Variants in MICAL3 observed in about 807,000 individuals in gnomAD.
MICAL3 encodes the protein microtubule associated monooxygenase, calponin and LIM domain containing 3, also known as [F-actin]-monooxygenase MICAL3.
MICAL3 carries 62 observed loss-of-function variants against 207.4 expected under a neutral mutation model. The observed-to-expected ratio is 0.30, with a 90% CI of 0.24 to 0.37. The LOEUF (loss-of-function observed/expected upper bound fraction) is 0.37, where lower values mean the gene tolerates loss of function less well. Among genes scored for constraint, MICAL3 ranks in the 10% least tolerant of loss-of-function variants. The pLI, the probability that MICAL3 is intolerant of heterozygous loss-of-function variation, is 1.00. For synonymous variants in MICAL3, 1,077 were observed against 1,069.3 expected, an observed-to-expected ratio of 1.01 and a Z score of -0.14; for missense variants, 2,368 against 2,635.6, an observed-to-expected ratio of 0.90 and a Z score of 2.22.
chr22:17,906,525 G>A (rs545244486), intron 2 of MICAL3, 24 bp downstream of exon 2: 21 of 1,612,532 alleles, frequency 1.3e-5, no homozygotes, highest in Non-Finnish European at 1.7e-5. Flanking sequence ...AGTGACCCCA[G>A]GGCCCAACAG....
At chr22:17,886,128 C>T in intron 15 of MICAL3, 77 bp from the exon 16 acceptor site, 1 of 1,507,620 alleles carries the variant, frequency 6.6e-7, no homozygotes, top group East Asian at 2.3e-5. Flanking sequence ...CAGAAGTGCA[C>T]TCAGGACCTG....
At chr22:17,798,822 C>T (rs567041228) in intron 29 of MICAL3, among the ~76,000 whole-genome samples, 107 of 151,778 alleles carry the variant, frequency 7.0e-4, no homozygotes, top group Non-Finnish European at 1.0e-3. Flanking sequence ...TACAGGCGCC[C>T]GCCACCACAC....
chr22:17,960,047 C>G (rs1934826680), intron 1 of MICAL3, among the ~76,000 whole-genome samples: 1 of 152,214 alleles, frequency 6.6e-6, no homozygotes, highest in Non-Finnish European at 1.5e-5. Flanking sequence ...AGGCTTCTCT[C>G]TCAGCCTCAT....
At chr22:17,963,572 GGAGAGGAGGGCAGTGAGCATCTCT>G (rs1935014096) in intron 1 of MICAL3, among the ~76,000 whole-genome samples, 2 of 152,122 alleles carry the variant, frequency 1.3e-5, no homozygotes, top group South Asian at 4.1e-4. Context: ...GCAACCCCAA[GGAGAGGAGGGCAGTGAGCATCTCT>G]GACACCCCTT....
chr22:17,810,622 G>T, intron 28 of MICAL3, 81 bp downstream of exon 28: 2 of 1,135,092 alleles, frequency 1.8e-6, no homozygotes, highest in African/African-American at 1.5e-5. Context: ...TGCTTGTGTG[G>T]CAGGGAGCAG....
At chr22:17,987,468 G>T (rs1300586616) in intron 1 of MICAL3, among the ~76,000 whole-genome samples, 3 of 152,208 alleles carry the variant, frequency 2.0e-5, no homozygotes, top group Non-Finnish European at 4.4e-5. Flanking sequence ...GTGAGCCCTA[G>T]GCCTGCTCTC....
chr22:17,919,146 G>C (rs138303389), intron 1 of MICAL3, among the ~76,000 whole-genome samples: 2 of 148,724 alleles, frequency 1.3e-5, no homozygotes, highest in East Asian at 3.9e-4. Flanking sequence ...TCATAGCTCA[G>C]TGCAGCTTCC....
intron 21 of MICAL3, 106 bp from the exon 22 acceptor site, chr22:17,827,887 G>A: frequency 8.3e-7 from 1 of 1,206,410 alleles, no homozygotes; most frequent in Non-Finnish European, 1.1e-6. Flanking sequence ...GCCAGGGTCA[G>A]TATGAATCAG....
At chr22:17,868,918 G>A (rs142248711) in intron 17 of MICAL3, among the ~76,000 whole-genome samples, 2 of 152,012 alleles carry the variant, frequency 1.3e-5, no homozygotes, top group African/African-American at 4.8e-5. Flanking sequence ...GAGACAGTGC[G>A]AGCCCTGCAT....
chr22:17,819,942 C>CCA (rs1921372272), intron 25 of MICAL3, among the ~76,000 whole-genome samples: 1 of 67,650 alleles, frequency 1.5e-5, no homozygotes, highest in South Asian at 7.0e-4. Context: ...GACTCCATCT[C>CCA]AAAAAAAAAA....
Position 18,024,263 on chromosome 22 carries a change from G to A in MICAL3, c.-75+18C>T, listed in dbSNP as rs1270173783. The A allele has an allele frequency of 6.6e-6, 1 of 152,264 alleles. No individual in the cohort carries two copies. The highest frequency in any genetic ancestry group is 1.5e-5 in the Non-Finnish European group (1 of 68,056). 9.4% of individuals were successfully genotyped at this position (152,264 alleles called of 1,614,324 possible). On this transcript the variant is annotated intron_variant, in intron 1 of 31. Transcript: ENST00000441493. ...CATTTAGATTCGCTCGCCCACAGGG[G>A]GACTGGAGGGTACTCACCGACTAGG...
At chr22:18,009,981 A>G (rs1381814366) in intron 1 of MICAL3, among the ~76,000 whole-genome samples, 2 of 90,098 alleles carry the variant, frequency 2.2e-5, no homozygotes, top group Non-Finnish European at 4.4e-5. Flanking sequence ...CTCTGTTTTC[A>G]ACTGTGAAAC....
At chr22:17,813,365 C>G (rs922533362) in intron 27 of MICAL3, 2 of 152,212 alleles carry the variant, frequency 1.3e-5, no homozygotes, top group Non-Finnish European at 1.5e-5. Context: ...AGGCTGCAAC[C>G]ACAGCCGCGC....
At chr22:17,988,707 C>G (rs1921319304) in intron 1 of MICAL3, among the ~76,000 whole-genome samples, 1 of 152,260 alleles carries the variant, frequency 6.6e-6, no homozygotes, top group Non-Finnish European at 1.5e-5. Flanking sequence ...CCACCCGCCT[C>G]AGCCTCCCCA....
chr22:17,991,327 C>G (rs1310461763), intron 1 of MICAL3, among the ~76,000 whole-genome samples: 1 of 152,240 alleles, frequency 6.6e-6, no homozygotes, highest in Non-Finnish European at 1.5e-5. Context: ...GGTGGGATAT[C>G]AGACTGCCTA....
chr22:17,972,426 CTGGGA>C (rs776659259), intron 1 of MICAL3, among the ~76,000 whole-genome samples: 10 of 152,136 alleles, frequency 6.6e-5, no homozygotes, highest in South Asian at 4.1e-4. Flanking sequence ...GCTAAGCTAC[CTGGGA>C]GGGTGGACCA....
intron 20 of MICAL3, chr22:17,840,621 CA>C (rs1234481119): frequency 3.9e-5 from 6 of 152,188 alleles, no homozygotes; most frequent in Non-Finnish European, 8.8e-5. Context: ...GGTGCTGACC[CA>C]CACTCAGCCC....
At chr22:17,967,980 T>C (rs1427427268) in intron 1 of MICAL3, among the ~76,000 whole-genome samples, 1 of 151,774 alleles carries the variant, frequency 6.6e-6, no homozygotes, top group African/African-American at 2.4e-5. Context: ...GAGGCGGAGG[T>C]TGCAGTGAGC....
At chr22:17,886,988 C>CAAAAAAA (rs55999508) in intron 15 of MICAL3, among the ~76,000 whole-genome samples, 182 bp downstream of exon 15, 34 of 41,350 alleles carry the variant, frequency 8.2e-4, no homozygotes, top group South Asian at 1.3e-3. Context: ...ACTCTTGTCT[C>CAAAAAAA]AAAAAAAAAA....
Sources: allele counts gnomAD v4.1 joint callset (sites outside exome capture counted in the v4.1 genomes callset), GRCh38; gene constraint gnomAD v4.1.1; transcripts MANE v1.5; gene names NCBI Gene and HGNC (gene_info 2026-07-23, HGNC 2026-07-21).